The following CNTNAP2 variants were observed in gnomAD, a reference collection of about 807,000 sequenced individuals.
CNTNAP2 encodes the protein contactin associated protein 2.
CNTNAP2 carries 98 observed loss-of-function variants against 155.2 expected under a neutral mutation model. That is an observed-to-expected ratio of 0.63 (90% CI 0.54 to 0.75). The LOEUF is 0.75. Ranked by LOEUF, CNTNAP2 falls within the 30% of genes least tolerant of loss-of-function variation. The pLI is 0.00. For synonymous variants in CNTNAP2, 651 were observed against 631.2 expected (o/e 1.03, Z -0.47); for missense variants, 1,727 against 1,688.1 (o/e 1.02, Z -0.40).
At chr7:147,560,235 G>T (rs147594987) in intron 11 of CNTNAP2, among the ~76,000 whole-genome samples, 8 of 144,716 alleles carry the variant, frequency 5.5e-5, no homozygotes, top group Non-Finnish European at 9.0e-5. Context: ...TATTGCTTTA[G>T]TTTAAGTACT....
At chr7:147,250,583 T>A (rs1804176104) in intron 8 of CNTNAP2, among the ~76,000 whole-genome samples, 1 of 149,950 alleles carries the variant, frequency 6.7e-6, no homozygotes, top group Non-Finnish European at 1.5e-5. Flanking sequence ...TGTGTCTGGA[T>A]TCTCAGTCTT....
chr7:146,774,002 C>A (rs1452809000), intron 1 of CNTNAP2, among the ~76,000 whole-genome samples: 1 of 152,146 alleles, frequency 6.6e-6, no homozygotes, highest in Non-Finnish European at 1.5e-5. Context: ...CAATTTTACT[C>A]ATGATTCTCA....
At chr7:148,113,069 T>A (rs1585132165) in intron 15 of CNTNAP2, among the ~76,000 whole-genome samples, 2 of 152,286 alleles carry the variant, frequency 1.3e-5, no homozygotes, top group South Asian at 2.1e-4. Flanking sequence ...GAAAATGTGC[T>A]CAGAAAGCTT....
At chr7:147,875,968 G>A (rs918310560) in intron 13 of CNTNAP2, among the ~76,000 whole-genome samples, 1 of 152,036 alleles carries the variant, frequency 6.6e-6, no homozygotes, top group Admixed American at 6.5e-5. Flanking sequence ...TCCCATCTAG[G>A]GCTAAATGTC....
At chr7:147,652,290 C>T (rs1298248840) in intron 13 of CNTNAP2, among the ~76,000 whole-genome samples, 1 of 152,100 alleles carries the variant, frequency 6.6e-6, no homozygotes, top group East Asian at 1.9e-4. Flanking sequence ...AATGCCACAG[C>T]CATTATGACC....
intron 20 of CNTNAP2, among the ~76,000 whole-genome samples, chr7:148,252,347 G>C (rs1160493058): frequency 6.6e-6 from 1 of 152,090 alleles, no homozygotes; most frequent in Non-Finnish European, 1.5e-5. Context: ...AGCCCCTTAG[G>C]GTCTTGATCA....
At chr7:146,516,082 C>G (rs1184532752) in intron 1 of CNTNAP2, among the ~76,000 whole-genome samples, 1 of 151,984 alleles carries the variant, frequency 6.6e-6, no homozygotes, top group Non-Finnish European at 1.5e-5. Flanking sequence ...CATGACAACT[C>G]TCATTTCCAC....
In CNTNAP2 at chr7:148,217,450, C is replaced by T. The variant is rs756548153; in HGVS notation, c.3173C>T (p.Thr1058Ile). The T allele has an allele frequency of 3.7e-6, 6 of 1,614,208 alleles. No homozygotes were observed. The highest frequency in any genetic ancestry group is 2.2e-5 in the South Asian group (2 of 91,078). Reference sequence around the variant, plus strand: ...GAGATCCGCTTCAGCTTCAGCACCACCAAGGCGCCCTGCATTCTCCTCTAC... The same window carrying T: ...GAGATCCGCTTCAGCTTCAGCACCATCAAGGCGCCCTGCATTCTCCTCTAC... Reference protein sequence around the residue: ...QEEIRFSFSTTKAPCILLYIS... With the variant: ...QEEIRFSFSTIKAPCILLYIS... The change falls in exon 19 of 24, where the codon ACC becomes ATC. Residue 1058 changes from threonine to isoleucine, a missense_variant. Physicochemically the swap from Thr to Ile is moderately conservative, Grantham distance 89 (BLOSUM62 -1). Coordinates refer to ENST00000361727, the MANE Select transcript of CNTNAP2 (RefSeq NM_014141.6).
At chr7:147,088,622 A>C (rs1180502672) in intron 4 of CNTNAP2, among the ~76,000 whole-genome samples, 3 of 152,176 alleles carry the variant, frequency 2.0e-5, no homozygotes, top group African/African-American at 7.2e-5. Flanking sequence ...TGAGCCCTGA[A>C]GGGCCGTGTC....
intron 9 of CNTNAP2, among the ~76,000 whole-genome samples, chr7:147,347,496 A>G (rs914469523): frequency 9.0e-6 from 1 of 111,124 alleles, no homozygotes; most frequent in Non-Finnish European, 2.0e-5. Flanking sequence ...ATATATGCAT[A>G]TATATGTGTG....
chr7:148,261,154 G>T (rs1468481038), intron 20 of CNTNAP2, among the ~76,000 whole-genome samples: 2 of 117,400 alleles, frequency 1.7e-5, no homozygotes, highest in Admixed American at 1.8e-4. Context: ...TGTCCTTTGT[G>T]CATCTGTTGT....
At chr7:147,695,119 T>C (rs1222924811) in intron 13 of CNTNAP2, among the ~76,000 whole-genome samples, 1 of 152,216 alleles carries the variant, frequency 6.6e-6, no homozygotes, top group Non-Finnish European at 1.5e-5. Context: ...TTTAGAAGTG[T>C]GTTATGTGAT....
chr7:148,189,445 T>C (rs893535366), intron 18 of CNTNAP2, among the ~76,000 whole-genome samples: 3 of 152,220 alleles, frequency 2.0e-5, no homozygotes, highest in Middle Eastern at 3.4e-3. Context: ...GGCAGTTCCT[T>C]TTATAAGGAA....
At chr7:146,638,472 G>GTTTC (rs200043180) in intron 1 of CNTNAP2, among the ~76,000 whole-genome samples, 9,546 of 99,472 alleles carry the variant, frequency 0.096, 1,082 homozygotes, top group Non-Finnish European at 0.11. Context: ...ACAGTCAGGT[G>GTTTC]TTTCTTTTTT....
rs144804239 is a variant in CNTNAP2 at position 146,777,427 on chromosome 7, A to T, written c.208+3046A>T. On this transcript the variant is annotated intron_variant, in intron 2 of 23. Coordinates refer to ENST00000361727, the MANE Select transcript of CNTNAP2 (RefSeq NM_014141.6). The stretch of plus-strand genomic sequence containing the variant: ...TATGCTGCTCTGCCCCTGCAGGTAC[A>T]GCAAGAAACATACATGTAGGGCTTC... Among the ~76,000 whole-genome samples, 376 of 152,328 alleles carry T rather than the reference A, an allele frequency of 2.5e-3. 2 individuals carry two copies. The highest frequency in any genetic ancestry group is 8.8e-3 in the African/African-American group (366 of 41,580).
chr7:146,906,000 G>C lies in CNTNAP2; in HGVS notation c.402+66096G>C, dbSNP rs1327588556. 2.0e-5 allele frequency among the ~76,000 whole-genome samples: 3 copies of C among 152,230 alleles called. No individual in the cohort carries two copies. The South Asian group carries it at 6.2e-4, about 31-fold the overall frequency. On this transcript the variant is annotated intron_variant, in intron 3 of 23. Coordinates refer to ENST00000361727, the MANE Select transcript of CNTNAP2 (RefSeq NM_014141.6). ...GCATTGCCTCACCTGGGAAGCGCAAGGGGTCAGGGAGTTCCCTTTCCGAGT... is the reference window on the plus strand; with the variant it reads ...GCATTGCCTCACCTGGGAAGCGCAACGGGTCAGGGAGTTCCCTTTCCGAGT...
chr7:147,044,731 CA>C (rs144765735), intron 4 of CNTNAP2, among the ~76,000 whole-genome samples: 8,778 of 152,040 alleles, frequency 0.058, 677 homozygotes, highest in African/African-American at 0.18. Flanking sequence ...CTAATTTTTG[CA>C]AATGGTACTT....
In CNTNAP2 at chr7:147,909,693, T is replaced by C. The variant is rs148430288; in HGVS notation, c.2255+5972T>C. Among the ~76,000 whole-genome samples the C allele has an allele frequency of 6.4e-4, 98 of 152,346 alleles. 1 individual carries two copies. The highest frequency in any genetic ancestry group is 2.3e-3 in the African/African-American group (94 of 41,580). On this transcript the variant is annotated intron_variant, in intron 14 of 23. Transcript: ENST00000361727. ...GGCCACTGCTGGGTAATTCCTGGTCTCTTGCAGCCTGACTCAATGAGCTAA... is the reference window on the plus strand; with the variant it reads ...GGCCACTGCTGGGTAATTCCTGGTCCCTTGCAGCCTGACTCAATGAGCTAA...
intron 2 of CNTNAP2, among the ~76,000 whole-genome samples, chr7:146,801,711 T>C (rs1264116867): frequency 2.6e-5 from 4 of 152,246 alleles, no homozygotes; most frequent in Middle Eastern, 3.4e-3. Flanking sequence ...GAGGCTGACA[T>C]GGTTAAAGTG....
Sources: allele counts gnomAD v4.1 joint callset (sites outside exome capture counted in the v4.1 genomes callset), GRCh38; gene constraint gnomAD v4.1.1; transcripts MANE v1.5; gene names NCBI Gene and HGNC (gene_info 2026-07-23, HGNC 2026-07-21).